The following RAD51AP1 variants were observed in gnomAD, a reference collection of about 807,000 sequenced individuals.
RAD51AP1 encodes the protein RAD51 associated protein 1.
In RAD51AP1, 14 loss-of-function variants were observed where a neutral mutation model predicts 34.3. That is an observed-to-expected ratio of 0.41 (90% confidence interval 0.27 to 0.64). RAD51AP1 has a LOEUF of 0.64. RAD51AP1 is among the 30% of genes least tolerant of loss of function. The pLI is 0.33. For synonymous variants in RAD51AP1, 114 were observed against 129.8 expected (o/e 0.88, Z 0.83); for missense variants, 348 against 386.9 (o/e 0.90, Z 0.84).
intron 8 of RAD51AP1, 113 bp from the exon 9 acceptor site, chr12:4,558,744 A>G (rs7308641): frequency 8.0e-7 from 1 of 1,246,538 alleles, no homozygotes; most frequent in Non-Finnish European, 1.1e-6. Context: ...CTTGATAGAC[A>G]CTGGAAAGCA....
chr12:4,552,570 C>T (rs1190547715), intron 6 of RAD51AP1, among the ~76,000 whole-genome samples: 1 of 152,144 alleles, frequency 6.6e-6, no homozygotes, highest in Non-Finnish European at 1.5e-5. Flanking sequence ...CATACCCTAC[C>T]ATTCTTTTCA....
Position 4,548,205 on chromosome 12 carries a change from C to A in RAD51AP1, c.406+27C>A, listed in dbSNP as rs549841636. On this transcript the variant is annotated intron_variant, in intron 5 of 8. Coordinates refer to ENST00000352618, the MANE Select transcript of RAD51AP1 (RefSeq NM_006479.5). ...TAAGTTTTTTATATTAATAATTTTT[C>A]TCATCAACAATGCTGTTTCTCTGAC... 23 of 1,582,274 alleles carry A rather than the reference C, an allele frequency of 1.5e-5. No homozygotes were observed. In the South Asian group the frequency reaches 2.4e-4, roughly 16 times the overall value.
rs1020386912 is a variant in RAD51AP1, at chr12:4,558,943, T to C, written c.958T>C (p.Ser320Pro). 1 of 1,614,058 alleles carries C rather than the reference T, an allele frequency of 6.2e-7. No homozygotes were observed. Among genetic ancestry groups the C allele is most frequent in the Non-Finnish European group, 8.5e-7 (1 of 1,179,994 alleles). The change falls in exon 9 of 9, where the codon TCC (serine) becomes CCC (proline). Residue 320 changes from serine to proline, a missense_variant. Coordinates refer to ENST00000352618, the MANE Select transcript of RAD51AP1 (RefSeq NM_006479.5). ...SPNQSLRLGLSRLARVKPLHP... is the reference protein window; with the variant it reads ...SPNQSLRLGLPRLARVKPLHP... ...CAATCAGAGTCTCCGCCTTGGCTTG[T>C]CCAGATTAGCACGAGTTAAACCTTT...
Position 4,559,150 on chromosome 12 carries a change from T to A in RAD51AP1, c.*157T>A. 1.2e-6 allele frequency: 1 copy of A among 841,180 alleles called. No homozygotes were observed. The highest frequency in any genetic ancestry group is 1.8e-6 in the Non-Finnish European group (1 of 563,968). 52.1% of individuals were successfully genotyped at this position (841,180 alleles called of 1,614,324 possible). A position where few individuals can be genotyped will look rare whatever the true frequency, so the allele number is the denominator to read the frequency against. ...CTAGCCATTTTATGATTATGTTCTC[T>A]GTAAAACTCTTCAAGACTTCAATGA... On this transcript the variant is annotated 3_prime_UTR_variant, in exon 9 of 9. Coordinates refer to ENST00000352618, the MANE Select transcript of RAD51AP1 (RefSeq NM_006479.5).
chr12:4,555,522 G>A (rs1330307172), intron 7 of RAD51AP1, among the ~76,000 whole-genome samples: 1 of 151,720 alleles, frequency 6.6e-6, no homozygotes, highest in African/African-American at 2.4e-5. Flanking sequence ...CCAGACTCTT[G>A]TACATGGTCT....
intron 7 of RAD51AP1, among the ~76,000 whole-genome samples, chr12:4,553,454 G>T (rs1239485571): frequency 6.6e-6 from 1 of 152,148 alleles, no homozygotes; most frequent in African/African-American, 2.4e-5. Flanking sequence ...TAATTTGTTG[G>T]AAATCTTACA....
chr12:4,548,784 G>A lies in RAD51AP1; in HGVS notation c.504G>A (p.Leu168=). ...CAGCACAGCAGAGGAAGATTCTTCT[G>A]GAAGGCAGTGATGGTGATAGTGCTA... ...KAAAQQRKIL[L]EGSDGDSAND... The change falls in exon 6 of 9, where the codon CTG becomes CTA. Residue 168 remains leucine, a synonymous_variant. Transcript: ENST00000352618. The A allele has an allele frequency of 6.2e-7, 1 of 1,614,114 alleles. No homozygotes were observed.
Position 4,556,487 on chromosome 12 carries a change from AAATGG to A in RAD51AP1, c.857_861del (p.Lys286SerfsTer9). The A allele has an allele frequency of 6.2e-7, 1 of 1,613,776 alleles. No individual in the cohort carries two copies. Among genetic ancestry groups the A allele is most frequent in the Non-Finnish European group, 8.5e-7 (1 of 1,179,688 alleles). On this transcript the variant is annotated frameshift_variant, in exon 8 of 9. Coordinates refer to ENST00000352618, the MANE Select transcript of RAD51AP1 (RefSeq NM_006479.5). LOFTEE classifies it high-confidence loss of function. ...TCCTTCAGCTGAAAGCAAGAAACCT[AAATGG>A]GTCCCACCAGGTATGGCATATTTAT...
chr12:4,546,746 C>T (rs1238175039), intron 4 of RAD51AP1, among the ~76,000 whole-genome samples: 1 of 152,150 alleles, frequency 6.6e-6, no homozygotes, highest in Non-Finnish European at 1.5e-5. Flanking sequence ...AATCCATCTC[C>T]ATTTTTTCCA....
chr12:4,555,319 C>G (rs999527857), intron 7 of RAD51AP1, among the ~76,000 whole-genome samples: 1 of 152,190 alleles, frequency 6.6e-6, no homozygotes, highest in African/African-American at 2.4e-5. Context: ...ATTGCTGCCT[C>G]CCACCTATTT....
intron 7 of RAD51AP1, 29 bp from the exon 8 acceptor site, chr12:4,556,320 GACAA>G: frequency 6.5e-7 from 1 of 1,538,156 alleles, no homozygotes. Context: ...CTTCCTGCAT[GACAA>G]ACATTTTTAC....
chr12:4,539,023 G>A, intron 1 of RAD51AP1, 67 bp downstream of exon 1: 1 of 1,564,180 alleles, frequency 6.4e-7, no homozygotes, highest in Non-Finnish European at 8.8e-7. Context: ...AGACTAAGGG[G>A]AAAGGATCGA....
chr12:4,546,480 T>C (rs1215976300), intron 4 of RAD51AP1, 62 bp downstream of exon 4: 1 of 1,240,460 alleles, frequency 8.1e-7, no homozygotes, highest in Non-Finnish European at 1.2e-6. Context: ...GATTATTTGT[T>C]TGGGTGGGCC....
intron 4 of RAD51AP1, among the ~76,000 whole-genome samples, chr12:4,547,398 G>A (rs1227326067): frequency 6.6e-6 from 1 of 152,126 alleles, no homozygotes; most frequent in African/African-American, 2.4e-5. Context: ...AGTTTGATTA[G>A]GAAGACTTTT....
chr12:4,541,386 G>C (rs982766066), intron 1 of RAD51AP1, among the ~76,000 whole-genome samples: 3 of 152,126 alleles, frequency 2.0e-5, no homozygotes, highest in Non-Finnish European at 2.9e-5. Flanking sequence ...ATGGTGGAGA[G>C]ATTGAAAAGA....
intron 5 of RAD51AP1, among the ~76,000 whole-genome samples, chr12:4,548,457 G>A (rs1390796173): frequency 3.3e-5 from 5 of 152,176 alleles, no homozygotes; most frequent in African/African-American, 1.2e-4. Context: ...AATTTTGGGG[G>A]AAAGATTATC....
rs1194763411 is a variant in RAD51AP1, at chr12:4,559,301, C to T, written c.*308C>T. 4.9e-6 allele frequency: 1 copy of T among 204,160 alleles called. No individual in the cohort carries two copies. Among genetic ancestry groups the T allele is most frequent in the African/African-American group, 2.3e-5 (1 of 43,200 alleles). 12.6% of individuals were successfully genotyped at this position (204,160 alleles called of 1,614,324 possible). ...TTTTCTAGTTACATGATGTGCCTTT[C>T]TAGCTTTGTCTAGTTTATAGCACCT... On this transcript the variant is annotated 3_prime_UTR_variant, in exon 9 of 9. Coordinates refer to ENST00000352618, the MANE Select transcript of RAD51AP1 (RefSeq NM_006479.5).
At chr12:4,548,024 C>G in intron 4 of RAD51AP1, 68 bp from the exon 5 acceptor site, 2 of 1,444,048 alleles carry the variant, frequency 1.4e-6, no homozygotes. Flanking sequence ...CATTTTAGTA[C>G]TAATTTTCCT....
intron 4 of RAD51AP1, among the ~76,000 whole-genome samples, chr12:4,546,796 C>G (rs2137258731): frequency 1.3e-5 from 2 of 152,224 alleles, no homozygotes; most frequent in Middle Eastern, 3.4e-3. Flanking sequence ...ATTTTTATTA[C>G]TTACAAAGGT....
Sources: allele counts gnomAD v4.1 joint callset (sites outside exome capture counted in the v4.1 genomes callset), GRCh38; gene constraint gnomAD v4.1.1; transcripts MANE v1.5; gene names NCBI Gene and HGNC (gene_info 2026-07-23, HGNC 2026-07-21).